The following FOXP4 variants were observed in gnomAD, a reference collection of about 807,000 sequenced individuals.
The protein encoded by FOXP4 is forkhead box protein P4.
FOXP4 carries 25 observed loss-of-function variants against 82.6 expected under a neutral mutation model. That is an observed-to-expected ratio of 0.30 (90% CI 0.22 to 0.42). The LOEUF (loss-of-function observed/expected upper bound fraction) is 0.42, where lower values mean the gene tolerates loss of function less well. Among genes scored for constraint, FOXP4 ranks in the 10% least tolerant of loss-of-function variants. The pLI, the probability that FOXP4 is intolerant of heterozygous loss-of-function variation, is 1.00. For synonymous variants in FOXP4, 415 were observed against 388.2 expected (o/e 1.07, Z -0.81); for missense variants, 785 against 900.9 (o/e 0.87, Z 1.65).
In FOXP4 at chr6:41,577,981, T is replaced by A; in HGVS notation, c.205-5T>A. On this transcript the variant is annotated splice_polypyrimidine_tract_variant and splice_region_variant and intron_variant, in intron 2 of 16. Coordinates refer to ENST00000307972, the MANE Select transcript of FOXP4 (RefSeq NM_001012426.2). ...GCCATTGCTGACTCAGCCCCTGTCTTGCAGGCTCTCCAAGTGGCCCGGCAG... is the reference window on the plus strand; with the variant it reads ...GCCATTGCTGACTCAGCCCCTGTCTAGCAGGCTCTCCAAGTGGCCCGGCAG... 2.5e-6 allele frequency: 4 copies of A among 1,610,790 alleles called. No homozygotes were observed. The highest frequency in any genetic ancestry group is 3.4e-6 in the Non-Finnish European group (4 of 1,179,358).
At chr6:41,566,494 C>T (rs1251074624) in intron 2 of FOXP4, among the ~76,000 whole-genome samples, 1 of 152,190 alleles carries the variant, frequency 6.6e-6, no homozygotes, top group East Asian at 1.9e-4. Context: ...CAAAGACAGG[C>T]CTCCATTTTT....
At chr6:41,556,604 G>A (rs1242193301) in intron 1 of FOXP4, among the ~76,000 whole-genome samples, 7 of 152,190 alleles carry the variant, frequency 4.6e-5, no homozygotes, top group South Asian at 2.1e-4. Flanking sequence ...GATTACAGGT[G>A]TGAGCCACCG....
intron 9 of FOXP4, 122 bp downstream of exon 9, chr6:41,588,853 C>T: frequency 9.4e-7 from 1 of 1,062,804 alleles, no homozygotes; most frequent in Non-Finnish European, 1.4e-6. Context: ...TGGTCAAAGC[C>T]ACCATCTTAT....
Position 41,598,878 on chromosome 6 carries a change from C to T in FOXP4, c.1985C>T (p.Ser662Leu), listed in dbSNP as rs140402151. ...CTGGGCGCCCCTAACCCCAGCGCCT[C>T]GGGGCCTCCGGAAGACAGGGACCTG... ...PPLGAPNPSA[S>L]GPPEDRDLEE... The change falls in exon 17 of 17, where the codon TCG becomes TTG. Residue 662 changes from serine to leucine, a missense_variant. Transcript: ENST00000307972. 7.2e-5 allele frequency: 115 copies of T among 1,603,086 alleles called. No homozygotes were observed. Among genetic ancestry groups the T allele is most frequent in the South Asian group, 6.0e-4 (53 of 88,556 alleles).
chr6:41,587,128 C>T lies in FOXP4; in HGVS notation c.630C>T (p.Ala210=). The change falls in exon 6 of 17, where the codon GCC becomes GCT. Residue 210 remains alanine, a synonymous_variant. Coordinates refer to ENST00000307972, the MANE Select transcript of FOXP4 (RefSeq NM_001012426.2). The part of the protein sequence containing the change: ...QGLVSLQPNQ[A]SGPLQTLPQA... The stretch of plus-strand genomic sequence containing the variant: ...TGGTCAGCCTGCAGCCCAACCAAGC[C>T]TCGGGGCCCCTCCAGACCCTTCCGC... 6.2e-7 allele frequency: 1 copy of T among 1,607,346 alleles called. No individual in the cohort carries two copies. The highest frequency in any genetic ancestry group is 8.5e-7 in the Non-Finnish European group (1 of 1,176,770).
intron 2 of FOXP4, among the ~76,000 whole-genome samples, chr6:41,576,832 G>C (rs1411034118): frequency 2.0e-5 from 3 of 152,176 alleles, no homozygotes; most frequent in Non-Finnish European, 4.4e-5. Context: ...CTGGGATTCA[G>C]ACCCAGGACT....
intron 1 of FOXP4, among the ~76,000 whole-genome samples, chr6:41,547,858 C>T (rs1763744747): frequency 6.6e-6 from 1 of 151,980 alleles, no homozygotes; most frequent in Admixed American, 6.6e-5. Context: ...GCTTCAGCCT[C>T]GGGCTCCTCA....
In FOXP4 at chr6:41,591,862, A is replaced by G. The variant is rs1051273636; in HGVS notation, c.1536+540A>G. Among the ~76,000 whole-genome samples, 7 of 152,156 alleles carry G rather than the reference A, an allele frequency of 4.6e-5. No individual in the cohort carries two copies. Among genetic ancestry groups the G allele is most frequent in the Non-Finnish European group, 1.0e-4 (7 of 68,022 alleles). ...GCAGGAAGATAATTGTCTCCATCCA[A>G]TTAGTCATTTCAACACCTTCAGCCA... On this transcript the variant is annotated intron_variant, in intron 13 of 16. Coordinates refer to ENST00000307972, the MANE Select transcript of FOXP4 (RefSeq NM_001012426.2). The surrounding 1 kb of genome is among the most constrained non-coding windows in gnomAD (Gnocchi z 4.2).
At chr6:41,550,085 C>G (rs999477596) in intron 1 of FOXP4, among the ~76,000 whole-genome samples, 1 of 152,166 alleles carries the variant, frequency 6.6e-6, no homozygotes, top group Non-Finnish European at 1.5e-5. Context: ...TCTCAGGCTC[C>G]GTTGGCTGGA....
intron 2 of FOXP4, among the ~76,000 whole-genome samples, chr6:41,577,488 C>T (rs1371395488): frequency 6.6e-6 from 1 of 152,156 alleles, no homozygotes; most frequent in Non-Finnish European, 1.5e-5. Flanking sequence ...TCTGATGCCG[C>T]CTAGCTGTAT....
At chr6:41,589,043 T>C (rs1209262912) in intron 9 of FOXP4, among the ~76,000 whole-genome samples, 1 of 152,218 alleles carries the variant, frequency 6.6e-6, no homozygotes, top group East Asian at 1.9e-4. Flanking sequence ...TGCTAAATAC[T>C]TTATATAGCT....
intron 1 of FOXP4, among the ~76,000 whole-genome samples, chr6:41,547,266 G>T (rs970513225): frequency 3.3e-5 from 5 of 152,032 alleles, no homozygotes; most frequent in African/African-American, 1.2e-4. Context: ...CTCCCCGCCG[G>T]GCCTCTGGGA....
chr6:41,582,688 G>A (rs1765867518), intron 3 of FOXP4, among the ~76,000 whole-genome samples: 1 of 151,724 alleles, frequency 6.6e-6, no homozygotes, highest in Non-Finnish European at 1.5e-5. Context: ...GCTGGCTCTG[G>A]AGTTGGGTCT....
intron 1 of FOXP4, among the ~76,000 whole-genome samples, chr6:41,556,549 C>T (rs1167213455): frequency 2.6e-5 from 4 of 152,188 alleles, no homozygotes; most frequent in African/African-American, 7.2e-5. Context: ...TGGTCTCGAT[C>T]TCCTGACCTT....
chr6:41,570,518 T>C, intron 2 of FOXP4: 2 of 384,394 alleles, frequency 5.2e-6, no homozygotes, highest in South Asian at 2.0e-5. Flanking sequence ...CCCTGTTTCC[T>C]ATGTTGGAAA....
In FOXP4 at chr6:41,588,615, CT is replaced by C. The variant is rs781271657; in HGVS notation, c.978-26del. ...GTGGCAGCAGGGAAACCGGAGCCAA[CT>C]TTCTCTCCTCCTCTCTTCCCCTTGA... On this transcript the variant is annotated intron_variant, in intron 8 of 16. Coordinates refer to ENST00000307972, the MANE Select transcript of FOXP4 (RefSeq NM_001012426.2). 2.5e-6 allele frequency: 4 copies of C among 1,611,782 alleles called. No individual in the cohort carries two copies. The Admixed American group carries it at 5.0e-5, about 20-fold the overall frequency.
chr6:41,563,011 A>G (rs569842390), intron 1 of FOXP4, among the ~76,000 whole-genome samples: 5 of 152,320 alleles, frequency 3.3e-5, no homozygotes, highest in Non-Finnish European at 5.9e-5. Context: ...CGAGTGCTCA[A>G]TCTCTTCCGA....
Position 41,599,110 on chromosome 6 carries a change from G to A in FOXP4, c.*174G>A. 3.5e-6 allele frequency: 3 copies of A among 851,046 alleles called. No homozygotes were observed. Among genetic ancestry groups the A allele is most frequent in the Non-Finnish European group, 5.3e-6 (3 of 564,458 alleles). The allele number at this position is 851,046 out of a possible 1,614,324, so 52.7% of individuals were successfully genotyped here. Reference sequence around the variant, plus strand: ...CCTGACAAAAACACGTAGGGGCAGGGACGGTCCCCACCCCCAGGGACACAA... The same window carrying A: ...CCTGACAAAAACACGTAGGGGCAGGAACGGTCCCCACCCCCAGGGACACAA... On this transcript the variant is annotated 3_prime_UTR_variant, in exon 17 of 17. Coordinates refer to ENST00000307972, the MANE Select transcript of FOXP4 (RefSeq NM_001012426.2).
intron 1 of FOXP4, among the ~76,000 whole-genome samples, chr6:41,552,889 G>A (rs533156134): frequency 1.1e-4 from 17 of 152,246 alleles, no homozygotes; most frequent in Non-Finnish European, 1.5e-4. Context: ...GCCCACTGCT[G>A]CCAACTTCCT....
Sources: allele counts gnomAD v4.1 joint callset (sites outside exome capture counted in the v4.1 genomes callset), GRCh38; gene constraint gnomAD v4.1.1; non-coding constraint Gnocchi (gnomAD v3.1); transcripts MANE v1.5; gene names NCBI Gene and HGNC (gene_info 2026-07-23, HGNC 2026-07-21).